NDFIP2: variants seen among roughly 807,000 people sequenced by gnomAD.
NDFIP2 encodes NEDD4 family-interacting protein 2.
Under a neutral mutation model 36.0 loss-of-function variants are expected in NDFIP2, and 19 were observed. The ratio of observed to expected loss-of-function variants is 0.53; its 90% CI spans 0.37 to 0.77. The LOEUF (loss-of-function observed/expected upper bound fraction) is 0.77. NDFIP2 is among the 30% of genes least tolerant of loss of function. The pLI is 0.00. For synonymous variants in NDFIP2, 181 were observed against 167.7 expected (o/e 1.08, Z -0.61); for missense variants, 446 against 435.8 (o/e 1.02, Z -0.21).
chr13:79,526,151 A>G (rs1390087100), intron 2 of NDFIP2, among the ~76,000 whole-genome samples: 1 of 152,184 alleles, frequency 6.6e-6, no homozygotes, highest in Non-Finnish European at 1.5e-5. Context: ...GTGGGAAGTA[A>G]AAATCAATGC....
intron 1 of NDFIP2, chr13:79,519,283 G>A (rs1010608901): frequency 6.6e-6 from 1 of 152,246 alleles, no homozygotes; most frequent in Admixed American, 6.5e-5. Context: ...TGGAAAACTA[G>A]TAGTTTCTTT....
At chr13:79,498,537 T>C (rs1272111329) in intron 1 of NDFIP2, among the ~76,000 whole-genome samples, 1 of 150,780 alleles carries the variant, frequency 6.6e-6, no homozygotes, top group Admixed American at 6.6e-5. Flanking sequence ...TGATTTCTCA[T>C]AGTTCTGGAT....
At chr13:79,530,741 C>T (rs1874983052) in intron 2 of NDFIP2, among the ~76,000 whole-genome samples, 1 of 152,188 alleles carries the variant, frequency 6.6e-6, no homozygotes, top group Admixed American at 6.5e-5. Context: ...CATGAGATTG[C>T]AGCAATTCAG....
chr13:79,540,689 A>G (rs189621247), intron 4 of NDFIP2, among the ~76,000 whole-genome samples: 4 of 152,256 alleles, frequency 2.6e-5, no homozygotes, highest in Admixed American at 2.6e-4. Flanking sequence ...GTGAGTTGTC[A>G]CTTTTGAGTC....
chr13:79,552,083 A>G (rs1875930094), intron 7 of NDFIP2, among the ~76,000 whole-genome samples: 1 of 151,366 alleles, frequency 6.6e-6, no homozygotes, highest in African/African-American at 2.4e-5. Context: ...TTTCTGCTAG[A>G]GTACTATGAA....
chr13:79,513,558 A>G (rs946715821), intron 1 of NDFIP2, among the ~76,000 whole-genome samples: 1 of 152,314 alleles, frequency 6.6e-6, no homozygotes, highest in East Asian at 1.9e-4. Context: ...GATGGGAGCT[A>G]GATTGTTGGA....
intron 1 of NDFIP2, 60 bp downstream of exon 1, chr13:79,481,584 C>T (rs1400573891): frequency 2.7e-6 from 4 of 1,489,184 alleles, no homozygotes; most frequent in Middle Eastern, 1.8e-4. Context: ...TCCCGAGAGT[C>T]CCTTTCCTCA....
intron 3 of NDFIP2, among the ~76,000 whole-genome samples, chr13:79,536,012 A>G (rs1050239833): frequency 1.4e-4 from 21 of 151,432 alleles, no homozygotes; most frequent in Admixed American, 1.2e-3. Context: ...TTCCTAAATC[A>G]ACTCTCACTG....
rs184332028 is a variant in NDFIP2, at chr13:79,514,206, T to C, written c.322-6604T>C. Among the ~76,000 whole-genome samples the C allele has an allele frequency of 4.6e-5, 7 of 152,336 alleles. No individual in the cohort carries two copies. In the East Asian group the frequency reaches 1.2e-3, roughly 25 times the overall value. ...TTTGCCATTAAAAGTAATGGCAACA[T>C]ATTAAGAAAAGTAGTACTAGCTGTT... On this transcript the variant is annotated intron_variant, in intron 1 of 7. Coordinates refer to ENST00000218652, the MANE Select transcript of NDFIP2 (RefSeq NM_019080.3).
intron 1 of NDFIP2, among the ~76,000 whole-genome samples, chr13:79,509,627 T>C (rs182306419): frequency 1.1e-4 from 17 of 151,456 alleles, no homozygotes; most frequent in African/African-American, 4.1e-4. Context: ...AGGGGAGGAG[T>C]TGTATTGGCG....
intron 2 of NDFIP2, among the ~76,000 whole-genome samples, chr13:79,525,260 T>C (rs1486751737): frequency 6.6e-6 from 1 of 152,166 alleles, no homozygotes; most frequent in Non-Finnish European, 1.5e-5. Context: ...CACCTATAAA[T>C]TTACTTCCTC....
intron 7 of NDFIP2, 54 bp downstream of exon 7, chr13:79,551,176 G>T: frequency 9.0e-7 from 1 of 1,107,852 alleles, no homozygotes. Flanking sequence ...ATTCAAATTT[G>T]CCAGATACAT....
chr13:79,520,430 G>C (rs1199306032), intron 1 of NDFIP2, among the ~76,000 whole-genome samples: 1 of 152,134 alleles, frequency 6.6e-6, no homozygotes, highest in African/African-American at 2.4e-5. Context: ...AGAAACCTTG[G>C]AGTCTTCTTT....
intron 6 of NDFIP2, among the ~76,000 whole-genome samples, 199 bp from the exon 7 acceptor site, chr13:79,550,818 G>A (rs1875879968): frequency 6.6e-6 from 1 of 151,342 alleles, no homozygotes; most frequent in Non-Finnish European, 1.5e-5. Context: ...GTACATCTAG[G>A]CTTAACAAAT....
At chr13:79,513,938 A>G (rs1339302803) in intron 1 of NDFIP2, among the ~76,000 whole-genome samples, 1 of 152,216 alleles carries the variant, frequency 6.6e-6, no homozygotes, top group African/African-American at 2.4e-5. Flanking sequence ...AGCAGTGTAA[A>G]CACAACTAAT....
In NDFIP2 at chr13:79,507,267, GTTTTTTTTTTTTT is replaced by G. The variant is rs1317436634; in HGVS notation, c.322-13531_322-13519del. 8.5e-5 allele frequency among the ~76,000 whole-genome samples: 4 copies of G among 47,088 alleles called. 1 individual carries two copies. Among genetic ancestry groups the G allele is most frequent in the South Asian group, 6.1e-4 (1 of 1,638 alleles). The allele number at this position is 47,088 out of a possible 152,430, so 30.9% of individuals were successfully genotyped here. ...TTTCTGTGTTTTTTGTTCTGATTGA[GTTTTTTTTTTTTT>G]TTTTTTTTTTTGAGACGGAGTCTCG... On this transcript the variant is annotated intron_variant, in intron 1 of 7. Transcript: ENST00000218652.
intron 1 of NDFIP2, among the ~76,000 whole-genome samples, chr13:79,488,692 T>C (rs1490414268): frequency 6.6e-6 from 1 of 152,218 alleles, no homozygotes. Context: ...TTATAGTACT[T>C]CTGTCTGCTT....
chr13:79,487,508 A>G (rs1403094568), intron 1 of NDFIP2, among the ~76,000 whole-genome samples: 3 of 152,218 alleles, frequency 2.0e-5, no homozygotes, highest in African/African-American at 7.2e-5. Context: ...GCTGATAGGA[A>G]TGAATATTCT....
intron 2 of NDFIP2, among the ~76,000 whole-genome samples, chr13:79,528,259 A>C (rs1243969320): frequency 1.3e-5 from 2 of 152,254 alleles, no homozygotes. Context: ...TTGTCACACA[A>C]AAAAAAGTTT....
Sources: gnomAD v4.1 joint callset for allele counts (sites outside exome capture counted in the v4.1 genomes callset) on GRCh38, gnomAD v4.1.1 for gene constraint, MANE v1.5 for transcripts, NCBI Gene and HGNC (gene_info 2026-07-23, HGNC 2026-07-21) for gene names.